The following PALM2AKAP2 variants were observed in gnomAD, a reference collection of about 807,000 sequenced individuals.
The protein encoded by PALM2AKAP2 is PALM2 and AKAP2 fusion, also known as PALM2-AKAP2 fusion protein.
PALM2AKAP2 carries 37 observed loss-of-function variants against 71.5 expected under a neutral mutation model. That is an observed-to-expected ratio of 0.52 (90% CI 0.40 to 0.68). The LOEUF is 0.68. PALM2AKAP2 is among the 30% of genes least tolerant of loss of function. PALM2AKAP2 has a pLI of 0.00. For missense variants in PALM2AKAP2, 1,224 were observed against 1,191.8 expected, an observed-to-expected ratio of 1.03 and a Z score of -0.40; for synonymous variants, 468 against 478.8, an observed-to-expected ratio of 0.98 and a Z score of 0.29.
chr9:110,161,747 C>T (rs1836604015), intron 3 of PALM2AKAP2, among the ~76,000 whole-genome samples: 1 of 152,118 alleles, frequency 6.6e-6, no homozygotes, highest in Non-Finnish European at 1.5e-5. Context: ...TCTAGCAAAT[C>T]CAAAATGGCC....
At chr9:109,960,390 A>G (rs929242381) in intron 6 of PALM2AKAP2, among the ~76,000 whole-genome samples, 3 of 152,234 alleles carry the variant, frequency 2.0e-5, no homozygotes, top group Non-Finnish European at 4.4e-5. Flanking sequence ...TAGTTCCAAA[A>G]TGGATCAGTA....
At chr9:110,057,884 G>A (rs1833880333) in intron 1 of PALM2AKAP2, among the ~76,000 whole-genome samples, 1 of 152,184 alleles carries the variant, frequency 6.6e-6, no homozygotes, top group South Asian at 2.1e-4. Flanking sequence ...CTGCTTAGAG[G>A]AGGAAAGTCT....
chr9:109,791,523 C>A (rs1338073865), intron 1 of PALM2AKAP2, among the ~76,000 whole-genome samples: 3 of 151,872 alleles, frequency 2.0e-5, no homozygotes, highest in Non-Finnish European at 4.4e-5. Flanking sequence ...AGATAGGGCA[C>A]CCCAGGCTTC....
intron 3 of PALM2AKAP2, among the ~76,000 whole-genome samples, chr9:109,910,650 G>T (rs751483880): frequency 2.0e-5 from 3 of 152,230 alleles, no homozygotes; most frequent in Non-Finnish European, 4.4e-5. Flanking sequence ...GGCAGTCATG[G>T]ACTTGACTAG....
rs1260229162 is a variant in PALM2AKAP2, at chr9:110,137,819, C to T, written c.1849C>T (p.Gln617Ter). ...TGATTTTTCTCTGCCCCAGACACCACAAACTGACAACCCCTCAGAGGGCCG... is the reference window on the plus strand; with the variant it reads ...TGATTTTTCTCTGCCCCAGACACCATAAACTGACAACCCCTCAGAGGGCCG... The change falls in exon 2 of 4, where the codon CAA (glutamine) becomes TAA (stop). Residue 617 changes from glutamine to a stop codon, truncating the protein, a stop_gained. Transcript: ENST00000374525. LOFTEE classifies it high-confidence loss of function. 6.2e-7 allele frequency: 1 copy of T among 1,614,110 alleles called. No homozygotes were observed. The highest frequency in any genetic ancestry group is 1.1e-5 in the South Asian group (1 of 91,064).
chr9:109,665,583 G>A (rs761611669), intron 1 of PALM2AKAP2, among the ~76,000 whole-genome samples: 8 of 152,102 alleles, frequency 5.3e-5, no homozygotes, highest in Non-Finnish European at 8.8e-5. Flanking sequence ...AGGGGCAGCC[G>A]CCTATATGAG....
intron 1 of PALM2AKAP2, among the ~76,000 whole-genome samples, chr9:110,082,414 T>C (rs116572512): frequency 0.013 from 2,021 of 152,208 alleles, 38 homozygotes; most frequent in African/African-American, 0.047. Context: ...GGAAGTGAAA[T>C]CTGATATGGT....
intron 1 of PALM2AKAP2, among the ~76,000 whole-genome samples, chr9:110,068,512 CT>C (rs34521649): frequency 1.4e-5 from 2 of 141,510 alleles, no homozygotes; most frequent in Non-Finnish European, 3.0e-5. Context: ...AAAATTGGAG[CT>C]TTTTTAAAAA....
intron 7 of PALM2AKAP2, among the ~76,000 whole-genome samples, chr9:110,041,976 G>A (rs1833517689): frequency 6.6e-6 from 1 of 152,182 alleles, no homozygotes; most frequent in Non-Finnish European, 1.5e-5. Context: ...CTTAAAAGCT[G>A]ACCACCTTAT....
chr9:109,714,354 G>T (rs769961976), intron 1 of PALM2AKAP2, among the ~76,000 whole-genome samples: 5 of 151,994 alleles, frequency 3.3e-5, no homozygotes, highest in Non-Finnish European at 7.4e-5. Flanking sequence ...CACAACTATT[G>T]CCATGGACTG....
chr9:109,700,207 T>TC (rs1385366270), intron 1 of PALM2AKAP2, among the ~76,000 whole-genome samples: 1 of 152,078 alleles, frequency 6.6e-6, no homozygotes, highest in East Asian at 1.9e-4. Context: ...GCTCCCATAA[T>TC]CCCCACGTGT....
chr9:109,853,816 A>C (rs1829083389), intron 1 of PALM2AKAP2, among the ~76,000 whole-genome samples: 1 of 152,194 alleles, frequency 6.6e-6, no homozygotes, highest in Admixed American at 6.5e-5. Context: ...TTTAAACTGT[A>C]ATCTTTTGTA....
At chr9:110,088,703 G>GTTTTTTTTTTTTTTTTTTTTTTTTTTT (rs71373964) in intron 1 of PALM2AKAP2, among the ~76,000 whole-genome samples, 1 of 75,574 alleles carries the variant, frequency 1.3e-5, no homozygotes. Flanking sequence ...GCATTTACGT[G>GTTTTTTTTTTTTTTTTTTTTTTTTTTT]TTTTTTTTTT....
At chr9:109,923,523 G>A (rs1830884984) in intron 3 of PALM2AKAP2, among the ~76,000 whole-genome samples, 1 of 152,220 alleles carries the variant, frequency 6.6e-6, no homozygotes, top group African/African-American at 2.4e-5. Flanking sequence ...TGGAGGCAGT[G>A]CTGTGTTGAT....
chr9:110,141,931 A>G (rs1836041463), intron 2 of PALM2AKAP2, among the ~76,000 whole-genome samples: 2 of 152,144 alleles, frequency 1.3e-5, no homozygotes, highest in Admixed American at 6.6e-5. Flanking sequence ...CCTGGTGTGG[A>G]AATGCTATTT....
Position 109,923,185 on chromosome 9 carries a change from G to A in PALM2AKAP2, c.258-550G>A, listed in dbSNP as rs144834290. Among the ~76,000 whole-genome samples, 1,249 of 152,262 alleles carry A rather than the reference G, an allele frequency of 8.2e-3. 9 individuals are homozygous for A. Among genetic ancestry groups the A allele is most frequent in the Non-Finnish European group, 0.013 (880 of 68,014 alleles). ...AATTGAGGAAAGTTCCAAAAGGCAG[G>A]GGCAGTTGCATCTGTCTTCTTCATT... On this transcript the variant is annotated intron_variant, in intron 3 of 9. Coordinates refer to the PALM2AKAP2 transcript ENST00000302798.
At chr9:110,059,808 T>C in intron 1 of PALM2AKAP2, among the ~76,000 whole-genome samples, 1 of 152,034 alleles carries the variant, frequency 6.6e-6, no homozygotes. Context: ...AATAGGGAGC[T>C]ATGGGGAATG....
intron 1 of PALM2AKAP2, among the ~76,000 whole-genome samples, chr9:110,075,370 T>C (rs2118638070): frequency 6.6e-6 from 1 of 152,362 alleles, no homozygotes; most frequent in East Asian, 1.9e-4. Flanking sequence ...CAGATGTTTA[T>C]GTAATTCATA....
intron 1 of PALM2AKAP2, among the ~76,000 whole-genome samples, chr9:109,701,735 T>C (rs372226803): frequency 1.3e-5 from 2 of 152,232 alleles, no homozygotes; most frequent in South Asian, 2.1e-4. Context: ...AAAGCCAAAA[T>C]TGACAAATGG....
Sources: allele counts gnomAD v4.1 joint callset (sites outside exome capture counted in the v4.1 genomes callset), GRCh38; gene constraint gnomAD v4.1.1; transcripts MANE v1.5; gene names NCBI Gene and HGNC (gene_info 2026-07-23, HGNC 2026-07-21).